The following WDR49 variants were observed in gnomAD, a reference collection of about 807,000 sequenced individuals.
The protein encoded by WDR49 is WD repeat domain 49, also known as cilia- and flagella-associated protein 337.
In WDR49, 107 loss-of-function variants were observed where a neutral mutation model predicts 119.5. That is an observed-to-expected ratio of 0.90 (90% CI 0.77 to 1.05). The LOEUF is 1.05. Among genes scored for constraint, WDR49 ranks in the 50% least tolerant of loss-of-function variants. The pLI is 0.00. For synonymous variants in WDR49, 425 were observed against 418.8 expected (o/e 1.01, Z -0.18); for missense variants, 1,240 against 1,220.5 (o/e 1.02, Z -0.24).
chr3:167,614,166 A>G (rs972195481), intron 5 of WDR49, among the ~76,000 whole-genome samples: 3 of 151,994 alleles, frequency 2.0e-5, no homozygotes, highest in African/African-American at 7.3e-5. Context: ...CAATGGCGCA[A>G]TCTCGGCTCA....
At chr3:167,512,825 A>C (rs1282567002) in intron 16 of WDR49, among the ~76,000 whole-genome samples, 1 of 152,224 alleles carries the variant, frequency 6.6e-6, no homozygotes, top group Non-Finnish European at 1.5e-5. Context: ...AAGTGTCAAT[A>C]GCTGAATAGT....
chr3:167,523,855 T>C (rs1262819851), intron 15 of WDR49, among the ~76,000 whole-genome samples: 1 of 152,188 alleles, frequency 6.6e-6, no homozygotes, highest in Non-Finnish European at 1.5e-5. Context: ...GCAAAAAACA[T>C]ACATGTGCAT....
intron 2 of WDR49, among the ~76,000 whole-genome samples, chr3:167,629,077 G>A (rs1419814700): frequency 6.6e-5 from 10 of 152,036 alleles, no homozygotes; most frequent in Non-Finnish European, 1.5e-4. Flanking sequence ...GCAACATAGT[G>A]AGACTCCATC....
chr3:167,589,154 T>C (rs910188381), intron 7 of WDR49, among the ~76,000 whole-genome samples: 3 of 152,174 alleles, frequency 2.0e-5, no homozygotes, highest in Non-Finnish European at 4.4e-5. Context: ...CTTCTGCATA[T>C]AGATATTCAA....
chr3:167,654,733 T>C (rs974937631), upstream of WDR49, among the ~76,000 whole-genome samples: 3 of 151,576 alleles, frequency 2.0e-5, no homozygotes, highest in African/African-American at 7.3e-5. Flanking sequence ...TTGTATCTAG[T>C]AAAAATACAA....
chr3:167,588,190 G>A (rs1714916461), intron 7 of WDR49, among the ~76,000 whole-genome samples: 2 of 152,106 alleles, frequency 1.3e-5, no homozygotes, highest in South Asian at 4.2e-4. Context: ...ACAAATAAGT[G>A]AGAACACCTA....
At chr3:167,608,842 G>A (rs966781875) in intron 5 of WDR49, among the ~76,000 whole-genome samples, 3 of 150,906 alleles carry the variant, frequency 2.0e-5, no homozygotes, top group Admixed American at 2.0e-4. Flanking sequence ...TAACATTATA[G>A]AGAAAAAAAA....
chr3:167,645,580 G>T (rs907057589), intron 2 of WDR49, among the ~76,000 whole-genome samples: 7 of 151,908 alleles, frequency 4.6e-5, no homozygotes, highest in Admixed American at 3.9e-4. Flanking sequence ...TATATGGCTG[G>T]CTATACCCTC....
At chr3:167,612,308 A>G (rs754012428) in intron 5 of WDR49, among the ~76,000 whole-genome samples, 1 of 151,984 alleles carries the variant, frequency 6.6e-6, no homozygotes, top group Admixed American at 6.5e-5. Context: ...AACTACACAC[A>G]TATGGGATAC....
At chr3:167,486,062 C>T (rs1011817063) in intron 18 of WDR49, among the ~76,000 whole-genome samples, 4 of 151,938 alleles carry the variant, frequency 2.6e-5, no homozygotes, top group Admixed American at 6.6e-5. Flanking sequence ...CAGAAGAATC[C>T]TTACAAGCCA....
chr3:167,626,242 A>C (rs1217466021), intron 3 of WDR49, among the ~76,000 whole-genome samples: 1 of 152,072 alleles, frequency 6.6e-6, no homozygotes, highest in African/African-American at 2.4e-5. Context: ...CGTGAATTGA[A>C]AATGATTGAA....
intron 18 of WDR49, among the ~76,000 whole-genome samples, chr3:167,486,448 AC>A (rs1204097287): frequency 2.6e-5 from 4 of 152,050 alleles, no homozygotes; most frequent in Non-Finnish European, 5.9e-5. Context: ...TACTTAAAAG[AC>A]ATAAGGCGGC....
intron 18 of WDR49, among the ~76,000 whole-genome samples, chr3:167,487,810 T>A: frequency 6.6e-6 from 1 of 151,596 alleles, no homozygotes; most frequent in South Asian, 2.1e-4. Flanking sequence ...GAAAAGCAAA[T>A]CAAAACCACA....
intron 10 of WDR49, among the ~76,000 whole-genome samples, chr3:167,544,751 G>A (rs925264390): frequency 2.0e-5 from 3 of 151,666 alleles, no homozygotes; most frequent in Admixed American, 6.6e-5. Flanking sequence ...AGAAGAACAT[G>A]GGAAAAACTC....
At chr3:167,490,573 C>T (rs139034496) in intron 18 of WDR49, among the ~76,000 whole-genome samples, 113 of 152,020 alleles carry the variant, frequency 7.4e-4, no homozygotes, top group African/African-American at 2.7e-3. Flanking sequence ...TTTTCTTTAC[C>T]GGTGCTAGAT....
intron 2 of WDR49, among the ~76,000 whole-genome samples, chr3:167,642,699 A>G (rs1264299395): frequency 6.6e-6 from 1 of 151,976 alleles, no homozygotes; most frequent in Non-Finnish European, 1.5e-5. Flanking sequence ...ACCATTCTCC[A>G]ATAAATGGAA....
intron 5 of WDR49, among the ~76,000 whole-genome samples, chr3:167,612,974 T>C (rs1179041210): frequency 6.6e-6 from 1 of 152,192 alleles, no homozygotes; most frequent in East Asian, 1.9e-4. Context: ...AGTAAGACTA[T>C]TGTTTAATAG....
chr3:167,647,724 C>A (rs1052575803), intron 2 of WDR49, among the ~76,000 whole-genome samples: 1 of 152,164 alleles, frequency 6.6e-6, no homozygotes, highest in African/African-American at 2.4e-5. Context: ...ACTGAGGCTG[C>A]AGAATGCACT....
chr3:167,612,740 T>C (rs1001684172), intron 5 of WDR49, among the ~76,000 whole-genome samples: 1 of 152,096 alleles, frequency 6.6e-6, no homozygotes, highest in African/African-American at 2.4e-5. Context: ...CCTAGATGCA[T>C]ACAACCCACC....
Sources: allele counts gnomAD v4.1 joint callset (sites outside exome capture counted in the v4.1 genomes callset), GRCh38; gene constraint gnomAD v4.1.1; transcripts MANE v1.5; gene names NCBI Gene and HGNC (gene_info 2026-07-23, HGNC 2026-07-21).